The following THSD4 variants were observed in gnomAD, a reference collection of about 807,000 sequenced individuals.
THSD4 encodes thrombospondin type-1 domain-containing protein 4.
Under a neutral mutation model 119.0 loss-of-function variants are expected in THSD4, and 69 were observed. The ratio of observed to expected loss-of-function variants is 0.58; its 90% CI spans 0.48 to 0.71. The LOEUF is 0.71. THSD4 is among the 30% of genes least tolerant of loss of function. The pLI is 0.00. For synonymous variants in THSD4, 524 were observed against 540.4 expected (o/e 0.97, Z 0.42); for missense variants, 1,393 against 1,391.1 (o/e 1.00, Z -0.02).
intron 6 of THSD4, among the ~76,000 whole-genome samples, chr15:71,299,346 G>A (rs913887732): frequency 1.3e-5 from 2 of 152,320 alleles, no homozygotes; most frequent in African/African-American, 4.8e-5. Context: ...CCACTCCTCT[G>A]TTCTGGGTAT....
chr15:71,345,460 A>AT (rs982795579), intron 6 of THSD4, among the ~76,000 whole-genome samples: 15 of 152,100 alleles, frequency 9.9e-5, no homozygotes, highest in African/African-American at 2.4e-4. Flanking sequence ...GCAAATTAAG[A>AT]TTTTTTTTAA....
rs116511228 is a variant in THSD4, at chr15:71,381,368, A to C, written c.1016-30319A>C. Among the ~76,000 whole-genome samples the C allele has an allele frequency of 2.3e-3, 354 of 152,330 alleles. 4 individuals are homozygous for C. Among genetic ancestry groups the C allele is most frequent in the African/African-American group, 8.0e-3 (333 of 41,578 alleles). On this transcript the variant is annotated intron_variant, in intron 6 of 17. Coordinates refer to ENST00000261862, the MANE Select transcript of THSD4 (RefSeq NM_024817.3). ...TCAAATTGCATATCTTAACAATTTTAGTATTGGCTGACTTAATATAAAAAC... is the reference window on the plus strand; with the variant it reads ...TCAAATTGCATATCTTAACAATTTTCGTATTGGCTGACTTAATATAAAAAC...
intron 7 of THSD4, among the ~76,000 whole-genome samples, chr15:71,519,593 C>T (rs547136318): frequency 2.4e-4 from 36 of 152,322 alleles, no homozygotes; most frequent in South Asian, 6.2e-4. Context: ...AACTCCTGAC[C>T]TCAAGTGATC....
intron 7 of THSD4, among the ~76,000 whole-genome samples, chr15:71,511,970 A>G (rs1257728703): frequency 1.3e-5 from 2 of 152,190 alleles, no homozygotes; most frequent in Admixed American, 6.5e-5. Context: ...TTAATATGCA[A>G]TGAACAATCT....
intron 6 of THSD4, among the ~76,000 whole-genome samples, chr15:71,358,114 G>A (rs764136050): frequency 2.6e-5 from 4 of 152,158 alleles, no homozygotes; most frequent in Non-Finnish European, 5.9e-5. Flanking sequence ...CCTGTAGCAC[G>A]GTCTTCCTGA....
chr15:71,755,164 T>C (rs2053516683), intron 14 of THSD4, among the ~76,000 whole-genome samples: 1 of 152,212 alleles, frequency 6.6e-6, no homozygotes, highest in South Asian at 2.1e-4. Flanking sequence ...TCAATAGCCT[T>C]CAGCTCAAAA....
chr15:71,496,424 G>A (rs1053066450), intron 7 of THSD4, among the ~76,000 whole-genome samples: 5 of 152,082 alleles, frequency 3.3e-5, no homozygotes, highest in Admixed American at 6.5e-5. Flanking sequence ...GTCTGCGTAT[G>A]GGCAGTGAGG....
intron 6 of THSD4, among the ~76,000 whole-genome samples, chr15:71,404,787 C>T (rs764704839): frequency 6.6e-6 from 1 of 152,204 alleles, no homozygotes; most frequent in African/African-American, 2.4e-5. Context: ...CTTTTGGCAC[C>T]TTGATGTTGG....
chr15:71,134,755 C>T (rs898608505), intron 1 of THSD4, among the ~76,000 whole-genome samples: 3 of 152,158 alleles, frequency 2.0e-5, no homozygotes, highest in African/African-American at 4.8e-5. Context: ...TAAAAGTGTT[C>T]CTATTTCTCC....
chr15:71,494,190 C>CATTTGCACTTATTGTTTGT (rs1271229839), intron 7 of THSD4, among the ~76,000 whole-genome samples: 1 of 152,124 alleles, frequency 6.6e-6, no homozygotes, highest in Non-Finnish European at 1.5e-5. Context: ...ACTATTTTTC[C>CATTTGCACTTATTGTTTGT]ATTTGCACTT....
intron 1 of THSD4, among the ~76,000 whole-genome samples, chr15:71,139,849 T>C (rs942782492): frequency 6.6e-6 from 1 of 152,238 alleles, no homozygotes; most frequent in Admixed American, 6.5e-5. Context: ...CTGGCCCACC[T>C]TGGAACCTTG....
intron 6 of THSD4, among the ~76,000 whole-genome samples, chr15:71,386,404 C>A (rs1028523315): frequency 6.6e-6 from 1 of 152,086 alleles, no homozygotes; most frequent in Non-Finnish European, 1.5e-5. Context: ...CTGATGAGGA[C>A]CTGCCCAAAG....
intron 6 of THSD4, among the ~76,000 whole-genome samples, chr15:71,396,509 C>T (rs887009378): frequency 5.3e-5 from 8 of 152,186 alleles, no homozygotes; most frequent in African/African-American, 1.7e-4. Flanking sequence ...CTTCTCAAAG[C>T]TCTCAACAGC....
At chr15:71,633,463 T>G (rs1263377602) in intron 7 of THSD4, among the ~76,000 whole-genome samples, 2 of 151,994 alleles carry the variant, frequency 1.3e-5, no homozygotes, top group Non-Finnish European at 2.9e-5. Context: ...TTCGTAGAGA[T>G]GGAGTTTTGC....
At chr15:71,386,824 G>A (rs921831261) in intron 6 of THSD4, among the ~76,000 whole-genome samples, 2 of 152,172 alleles carry the variant, frequency 1.3e-5, no homozygotes, top group African/African-American at 4.8e-5. Flanking sequence ...CAGAGGGTTA[G>A]CTTTTTAAAT....
At chr15:71,468,294 C>G (rs1364693244) in intron 7 of THSD4, among the ~76,000 whole-genome samples, 1 of 152,226 alleles carries the variant, frequency 6.6e-6, no homozygotes, top group African/African-American at 2.4e-5. Context: ...AGTTAAGCCT[C>G]TTTCCTTTAT....
At chr15:71,327,754 C>G (rs948950437) in intron 6 of THSD4, among the ~76,000 whole-genome samples, 49 of 152,108 alleles carry the variant, frequency 3.2e-4, no homozygotes, top group African/African-American at 1.2e-3. Context: ...TCTCTTGCCC[C>G]TTTTGCTTCA....
intron 6 of THSD4, among the ~76,000 whole-genome samples, chr15:71,312,379 G>T (rs2045123352): frequency 6.6e-6 from 1 of 151,968 alleles, no homozygotes; most frequent in Non-Finnish European, 1.5e-5. Context: ...GTTAAAATGA[G>T]GCTGCCAGGG....
intron 7 of THSD4, among the ~76,000 whole-genome samples, chr15:71,518,635 T>C (rs1414947365): frequency 6.6e-6 from 1 of 152,178 alleles, no homozygotes; most frequent in Non-Finnish European, 1.5e-5. Context: ...ACAATCTCAT[T>C]AATCCTCATG....
Sources: allele counts gnomAD v4.1 joint callset (sites outside exome capture counted in the v4.1 genomes callset), GRCh38; gene constraint gnomAD v4.1.1; transcripts MANE v1.5; gene names NCBI Gene and HGNC (gene_info 2026-07-23, HGNC 2026-07-21).